STK3: variants seen among roughly 807,000 people sequenced by gnomAD.
The protein encoded by STK3 is serine/threonine kinase 3, also known as serine/threonine-protein kinase 3.
STK3 carries 41 observed loss-of-function variants against 58.0 expected under a neutral mutation model. That is an observed-to-expected ratio of 0.71 (90% CI 0.55 to 0.92). The LOEUF is 0.92. Ranked by LOEUF, STK3 falls within the 40% of genes least tolerant of loss-of-function variation. The probability of loss-of-function intolerance (pLI) is 0.00; values close to 1 mark genes in which losing one functional copy is unlikely to be tolerated. For missense variants in STK3, 479 were observed against 602.7 expected (o/e 0.79, Z 2.15); for synonymous variants, 170 against 191.0 (o/e 0.89, Z 0.91).
At chr8:98,545,365 T>C (rs978321377) in intron 9 of STK3, among the ~76,000 whole-genome samples, 5 of 152,200 alleles carry the variant, frequency 3.3e-5, no homozygotes, top group African/African-American at 1.2e-4. Context: ...GATATCTGAA[T>C]AGGAAGACTG....
chr8:98,548,453 A>G (rs1340715886), intron 8 of STK3, among the ~76,000 whole-genome samples: 1 of 152,172 alleles, frequency 6.6e-6, no homozygotes, highest in Non-Finnish European at 1.5e-5. Flanking sequence ...AATGCATAAC[A>G]AAGAATATGG....
At chr8:98,824,206 A>C (rs1396891666) in intron 1 of STK3, among the ~76,000 whole-genome samples, 1 of 152,226 alleles carries the variant, frequency 6.6e-6, no homozygotes, top group East Asian at 1.9e-4. Flanking sequence ...AATAAGCTAA[A>C]AATAAGTCTG....
chr8:98,399,351 C>A (rs1286623652), downstream of STK3, among the ~76,000 whole-genome samples: 5 of 152,238 alleles, frequency 3.3e-5, no homozygotes, highest in Non-Finnish European at 7.3e-5. Context: ...TACAAGCGAG[C>A]TTCATTGCTG....
downstream of STK3, chr8:98,878,767 T>TATTC (rs574602868): frequency 3.3e-4 from 59 of 176,252 alleles, 1 homozygote; most frequent in Admixed American, 3.6e-3. Flanking sequence ...GAAAATTTTA[T>TATTC]ATTCGAGTGC....
intron 6 of STK3, among the ~76,000 whole-genome samples, chr8:98,605,390 A>G (rs1037826487): frequency 2.0e-5 from 3 of 151,890 alleles, no homozygotes; most frequent in South Asian, 2.1e-4. Flanking sequence ...AGACCTCAGG[A>G]AACTTACAAT....
At chr8:98,776,341 T>C (rs1390499103) in intron 1 of STK3, among the ~76,000 whole-genome samples, 1 of 151,816 alleles carries the variant, frequency 6.6e-6, no homozygotes, top group Non-Finnish European at 1.5e-5. Context: ...TCAGGTTTGC[T>C]GCAGGGAAGC....
intron 6 of STK3, among the ~76,000 whole-genome samples, chr8:98,684,352 A>G (rs899152227): frequency 6.6e-6 from 1 of 152,116 alleles, no homozygotes; most frequent in Admixed American, 6.6e-5. Context: ...GGTACTGTGT[A>G]ACGTCCCAAT....
At chr8:98,513,485 G>C (rs1361033330) in intron 10 of STK3, among the ~76,000 whole-genome samples, 1 of 152,162 alleles carries the variant, frequency 6.6e-6, no homozygotes, top group Non-Finnish European at 1.5e-5. Context: ...ACTTGCCCTG[G>C]TGCTGCCAGT....
chr8:98,843,641 T>G (rs1425996941), intron 3 of STK3, among the ~76,000 whole-genome samples: 2 of 152,188 alleles, frequency 1.3e-5, no homozygotes, highest in Non-Finnish European at 2.9e-5. Context: ...GCTCAAACTG[T>G]CGGCTTGACC....
At chr8:98,826,586 A>T (rs1360825739), upstream of STK3, among the ~76,000 whole-genome samples, 1 of 152,038 alleles carries the variant, frequency 6.6e-6, no homozygotes, top group African/African-American at 2.4e-5. Context: ...CTCTCCCCCA[A>T]CCTGATTCCA....
chr8:98,497,696 C>T (rs1258215855), intron 10 of STK3, among the ~76,000 whole-genome samples: 1 of 152,082 alleles, frequency 6.6e-6, no homozygotes, highest in Non-Finnish European at 1.5e-5. Flanking sequence ...CAAAAAGATG[C>T]TCAACATCAT....
intron 1 of STK3, among the ~76,000 whole-genome samples, chr8:98,385,016 T>C (rs968923080): frequency 6.6e-6 from 1 of 152,170 alleles, no homozygotes; most frequent in African/African-American, 2.4e-5. Context: ...ATCCATCCAT[T>C]GCTTCAAGGG....
chr8:98,781,338 T>C (rs891675245), intron 1 of STK3, among the ~76,000 whole-genome samples: 3 of 152,158 alleles, frequency 2.0e-5, no homozygotes, highest in African/African-American at 7.2e-5. Context: ...AAGGGAGCTA[T>C]GCAGGGAAAA....
intron 3 of STK3, among the ~76,000 whole-genome samples, chr8:98,846,909 GC>G (rs976231408): frequency 1.3e-5 from 2 of 150,592 alleles, no homozygotes; most frequent in African/African-American, 2.5e-5. Context: ...TTTAAAAAGT[GC>G]CCCCCCATGA....
intron 5 of STK3, 43 bp from the exon 6 acceptor site, chr8:98,706,677 C>T (rs371035815): frequency 6.8e-7 from 1 of 1,469,990 alleles, no homozygotes. Flanking sequence ...TACAAAAGCA[C>T]AAAGGAAATC....
At chr8:98,507,646 C>G (rs1409386425) in intron 10 of STK3, among the ~76,000 whole-genome samples, 2 of 152,168 alleles carry the variant, frequency 1.3e-5, no homozygotes, top group Non-Finnish European at 2.9e-5. Context: ...TCTGGTGCAC[C>G]CTACCACTTC....
chr8:98,608,510 C>T (rs1185586232), intron 6 of STK3, among the ~76,000 whole-genome samples: 1 of 152,080 alleles, frequency 6.6e-6, no homozygotes, highest in East Asian at 1.9e-4. Context: ...AATTTGTTTA[C>T]TTTTTTACAT....
intron 1 of STK3, among the ~76,000 whole-genome samples, chr8:98,804,688 GTAGT>G (rs1346439068): frequency 6.6e-6 from 1 of 152,176 alleles, no homozygotes; most frequent in Non-Finnish European, 1.5e-5. Flanking sequence ...ACAGGATTCA[GTAGT>G]TTCTCTTCTC....
intron 10 of STK3, among the ~76,000 whole-genome samples, chr8:98,508,989 A>G (rs1022521179): frequency 1.3e-5 from 2 of 152,160 alleles, no homozygotes; most frequent in East Asian, 3.8e-4. Context: ...CATCTAAAAA[A>G]ATAAAAAGGT....
Sources: allele counts gnomAD v4.1 joint callset (sites outside exome capture counted in the v4.1 genomes callset), GRCh38; gene constraint gnomAD v4.1.1; transcripts MANE v1.5; gene names NCBI Gene and HGNC (gene_info 2026-07-23, HGNC 2026-07-21).